Variants in CD200 observed in about 807,000 individuals in gnomAD.
The protein encoded by CD200 is CD200 molecule.
A neutral mutation model predicts 30.9 loss-of-function variants in CD200; 15 were observed. That is an observed-to-expected ratio of 0.49 (90% CI 0.32 to 0.75). The LOEUF (loss-of-function observed/expected upper bound fraction) is 0.75, where lower values mean the gene tolerates loss of function less well. Among genes scored for constraint, CD200 ranks in the 30% least tolerant of loss-of-function variants. The pLI is 0.03. For synonymous variants in CD200, 134 were observed against 126.2 expected (o/e 1.06, Z -0.41); for missense variants, 262 against 324.2 (o/e 0.81, Z 1.47).
chr3:112,357,751 T>C lies in CD200; in HGVS notation c.803-3792T>C, dbSNP rs77200319. Among the ~76,000 whole-genome samples the C allele has an allele frequency of 9.7e-3, 1,470 of 152,250 alleles. 32 individuals carry two copies. The highest frequency in any genetic ancestry group is 0.033 in the African/African-American group (1,377 of 41,530). On this transcript the variant is annotated intron_variant, in intron 5 of 5. Coordinates refer to ENST00000315711, the MANE Select transcript of CD200 (RefSeq NM_005944.7). ...ATGTCATCAATAGGTTCTTGGAAAC[T>C]GCGAGTTTAAGCAAAACGGCATGTA... is the stretch of plus-strand genomic sequence containing the variant.
At chr3:112,347,950 C>A (rs1002135133) in intron 4 of CD200, 120 bp downstream of exon 4, 4 of 870,220 alleles carry the variant, frequency 4.6e-6, no homozygotes, top group South Asian at 1.9e-5. Flanking sequence ...AAGAATGGGG[C>A]AAATAAGGAA....
At chr3:112,344,322 G>A (rs1224171984) in intron 2 of CD200, among the ~76,000 whole-genome samples, 2 of 152,172 alleles carry the variant, frequency 1.3e-5, no homozygotes, top group Non-Finnish European at 1.5e-5. Flanking sequence ...TAATATTGAG[G>A]AAGGGAAGAA....
intron 1 of CD200, chr3:112,335,746 T>C (rs957139941): frequency 6.8e-6 from 4 of 587,472 alleles, no homozygotes; most frequent in Non-Finnish European, 1.2e-5. Flanking sequence ...ACTCCTTGTC[T>C]CTGGCAGTTA....
At chr3:112,334,148 G>T (rs2081061016) in intron 1 of CD200, 2 of 985,312 alleles carry the variant, frequency 2.0e-6, no homozygotes, top group Non-Finnish European at 2.4e-6. Context: ...TTCTAAAAAT[G>T]AATTATTACC....
intron 5 of CD200, among the ~76,000 whole-genome samples, chr3:112,358,656 T>A (rs1181152917): frequency 6.6e-6 from 1 of 152,162 alleles, no homozygotes; most frequent in African/African-American, 2.4e-5. Flanking sequence ...CTGCCGCATG[T>A]CAGGAAGAGC....
chr3:112,355,948 AAAT>A (rs2081616406), intron 5 of CD200, among the ~76,000 whole-genome samples: 1 of 152,262 alleles, frequency 6.6e-6, no homozygotes, highest in Admixed American at 6.5e-5. Flanking sequence ...TATTGTAAAA[AAAT>A]ACAATTTCTT....
intron 5 of CD200, among the ~76,000 whole-genome samples, chr3:112,350,140 C>A (rs1196221554): frequency 1.3e-5 from 2 of 152,186 alleles, no homozygotes; most frequent in African/African-American, 4.8e-5. Context: ...AGGACAATCT[C>A]TTCTCTTTTT....
intron 1 of CD200, chr3:112,334,155 T>C (rs1266934411): frequency 1.1e-5 from 11 of 985,110 alleles, no homozygotes; most frequent in Non-Finnish European, 1.3e-5. Flanking sequence ...AATGAATTAT[T>C]ACCTCGTTTT....
At chr3:112,351,522 A>T (rs1421113905) in intron 5 of CD200, among the ~76,000 whole-genome samples, 1 of 152,156 alleles carries the variant, frequency 6.6e-6, no homozygotes, top group Non-Finnish European at 1.5e-5. Flanking sequence ...CCAATATCCG[A>T]TTCTTGAAGC....
In CD200 at chr3:112,336,394, A is replaced by G. The variant is rs1245883928; in HGVS notation, c.12+3170A>G. ...ACAGGAAGAAGGCCATCACAAGACA[A>G]TAAAAATCCCAGAGAAATTGAAAGG... On this transcript the variant is annotated intron_variant, in intron 1 of 5. Coordinates refer to ENST00000315711, the MANE Select transcript of CD200 (RefSeq NM_005944.7). 2.0e-5 allele frequency among the ~76,000 whole-genome samples: 3 copies of G among 152,112 alleles called. No individual in the cohort carries two copies. In the East Asian group the frequency reaches 5.8e-4, roughly 29 times the overall value.
chr3:112,338,044 T>C (rs1334383011), intron 1 of CD200, among the ~76,000 whole-genome samples: 2 of 152,212 alleles, frequency 1.3e-5, no homozygotes, highest in Admixed American at 6.5e-5. Flanking sequence ...TTTCCATCTG[T>C]GGTTATCTGA....
At position 112,357,438 on chromosome 3, in the gene CD200, C is replaced by G. The variant is rs2081649516; in HGVS notation, c.803-4105C>G. ...TTCAAGCTACTAACAATTTAACCAT[C>G]AGCGTGAGCCAATAAAGCTCTAGCA... On this transcript the variant is annotated intron_variant, in intron 5 of 5. Transcript: ENST00000315711. Among the ~76,000 whole-genome samples, 3 of 152,160 alleles carry G rather than the reference C, an allele frequency of 2.0e-5. No homozygotes were observed. In the South Asian group the frequency reaches 6.2e-4, roughly 32 times the overall value.
chr3:112,348,707 A>G (rs1174297180), intron 4 of CD200, among the ~76,000 whole-genome samples: 1 of 152,194 alleles, frequency 6.6e-6, no homozygotes, highest in Non-Finnish European at 1.5e-5. Flanking sequence ...TCTTTACTGC[A>G]GTGGCCTTTG....
chr3:112,336,922 C>T (rs2081130671), intron 1 of CD200, among the ~76,000 whole-genome samples: 1 of 152,060 alleles, frequency 6.6e-6, no homozygotes, highest in African/African-American at 2.4e-5. Flanking sequence ...AATGTCCCAA[C>T]CTCAGGAATT....
chr3:112,342,314 T>TTTC (rs1559782848), intron 2 of CD200, among the ~76,000 whole-genome samples: 368 of 20,526 alleles, frequency 0.018, 50 homozygotes, highest in Non-Finnish European at 0.022. Context: ...TCCTTTCTTC[T>TTTC]TTCTTTCTTT....
intron 2 of CD200, among the ~76,000 whole-genome samples, chr3:112,342,403 T>C (rs1223714365): frequency 5.6e-5 from 4 of 71,560 alleles, no homozygotes; most frequent in Admixed American, 1.6e-4. Flanking sequence ...CTTTCTTTCT[T>C]TCTTTCTTTC....
chr3:112,338,460 G>T (rs1457144139), intron 1 of CD200, among the ~76,000 whole-genome samples: 1 of 152,158 alleles, frequency 6.6e-6, no homozygotes, highest in Admixed American at 6.5e-5. Context: ...GTAGGAAATA[G>T]CTTGGTAATT....
intron 3 of CD200, among the ~76,000 whole-genome samples, chr3:112,346,035 AG>A (rs2081381564): frequency 6.6e-6 from 1 of 152,222 alleles, no homozygotes; most frequent in Non-Finnish European, 1.5e-5. Context: ...AGGAATATTA[AG>A]GTGAGAGTTT....
rs543685600 is a variant in CD200 at position 112,342,712 on chromosome 3, T to C, written c.94+1729T>C. On this transcript the variant is annotated intron_variant, in intron 2 of 5. Transcript: ENST00000315711. ...TGCTGGGATTACAGGCGTGAGCCAC[T>C]GCACCAGGCATGTCTTACCCATGTC... is the stretch of plus-strand genomic sequence containing the variant. Among the ~76,000 whole-genome samples, 4 of 152,252 alleles carry C rather than the reference T, an allele frequency of 2.6e-5. No individual in the cohort carries two copies. The South Asian group carries it at 8.3e-4, about 32-fold the overall frequency.
Sources: allele counts gnomAD v4.1 joint callset (sites outside exome capture counted in the v4.1 genomes callset), GRCh38; gene constraint gnomAD v4.1.1; transcripts MANE v1.5; gene names NCBI Gene and HGNC (gene_info 2026-07-23, HGNC 2026-07-21).